Variants in ABCB11 observed in about 807,000 individuals in gnomAD.
ABCB11 encodes ATP binding cassette subfamily B member 11, also known as bile salt export pump.
In ABCB11, 95 loss-of-function variants were observed where a neutral mutation model predicts 148.0. That is an observed-to-expected ratio of 0.64 (90% CI 0.54 to 0.76). ABCB11 has a LOEUF of 0.76. ABCB11 is among the 30% of genes least tolerant of loss of function. The pLI is 0.00. For missense variants in ABCB11, 1,523 were observed against 1,617.8 expected (o/e 0.94, Z 1.01); for synonymous variants, 591 against 555.4 (o/e 1.06, Z -0.90).
rs750203116 is a variant in ABCB11 at position 168,958,144 on chromosome 2, G to C, written c.2179-16C>G. The C allele has an allele frequency of 8.1e-6, 13 of 1,607,900 alleles. No homozygotes were observed. The African/African-American group carries it at 1.6e-4, about 20-fold the overall frequency. Reference sequence around the variant, plus strand: ...TGTCCTTGTCCTTGAGCAGAGAGAGGGTTATATTAATCATCTAAATGTACT... The same window carrying C: ...TGTCCTTGTCCTTGAGCAGAGAGAGCGTTATATTAATCATCTAAATGTACT... On this transcript the variant is annotated splice_polypyrimidine_tract_variant and intron_variant, in intron 18 of 27. Coordinates refer to ENST00000650372, the MANE Select transcript of ABCB11 (RefSeq NM_003742.4).
Position 168,969,555 on chromosome 2 carries a change from T to C in ABCB11, c.1810-4A>G, listed in dbSNP as rs1049117134. ...TGATTGTGTGCCCATGCTGAATCTG[T>C]AAGAATGTACAGTGCACCATTAAAC... On this transcript the variant is annotated splice_polypyrimidine_tract_variant and splice_region_variant and intron_variant, in intron 15 of 27. Coordinates refer to ENST00000650372, the MANE Select transcript of ABCB11 (RefSeq NM_003742.4). 1.2e-6 allele frequency: 2 copies of C among 1,611,336 alleles called. No individual in the cohort carries two copies. Among genetic ancestry groups the C allele is most frequent in the African/African-American group, 1.3e-5 (1 of 74,806 alleles).
At chr2:168,995,798 A>G (rs1238026860) in intron 6 of ABCB11, among the ~76,000 whole-genome samples, 2 of 151,896 alleles carry the variant, frequency 1.3e-5, no homozygotes, top group African/African-American at 4.8e-5. Context: ...AGCACCAAAA[A>G]TAAGGCATTA....
At chr2:168,991,897 G>T (rs1694536268) in intron 8 of ABCB11, among the ~76,000 whole-genome samples, 1 of 149,972 alleles carries the variant, frequency 6.7e-6, no homozygotes, top group Non-Finnish European at 1.5e-5. Flanking sequence ...GAATGCAGTG[G>T]CATGATCCTA....
intron 26 of ABCB11, among the ~76,000 whole-genome samples, chr2:168,925,031 T>A (rs1350460757): frequency 6.6e-6 from 1 of 152,184 alleles, no homozygotes; most frequent in Non-Finnish European, 1.5e-5. Context: ...TTATTCCTCA[T>A]TTCTGCATTT....
intron 12 of ABCB11, among the ~76,000 whole-genome samples, chr2:168,975,235 A>G (rs1358885586): frequency 1.0e-4 from 10 of 95,428 alleles, no homozygotes; most frequent in African/African-American, 1.9e-4. Flanking sequence ...ATAAATATAT[A>G]AATATTTAAA....
At chr2:168,938,731 G>A (rs937516267) in intron 21 of ABCB11, among the ~76,000 whole-genome samples, 2 of 152,010 alleles carry the variant, frequency 1.3e-5, no homozygotes, top group African/African-American at 4.8e-5. Flanking sequence ...TTTTTGGTTG[G>A]CAAGGACTGT....
At chr2:169,007,947 A>G (rs1165157580) in intron 5 of ABCB11, among the ~76,000 whole-genome samples, 1 of 152,208 alleles carries the variant, frequency 6.6e-6, no homozygotes, top group Non-Finnish European at 1.5e-5. Flanking sequence ...GTAGACATAT[A>G]TCCCAGTTTT....
At chr2:168,995,975 T>TAAAAAAAAA (rs3083997) in intron 6 of ABCB11, among the ~76,000 whole-genome samples, 1 of 63,032 alleles carries the variant, frequency 1.6e-5, no homozygotes, top group African/African-American at 6.4e-5. Context: ...TTTCCCTAAC[T>TAAAAAAAAA]AAAAAAAAAA....
rs1000266117 is a variant in ABCB11, at chr2:168,988,060, T to C, written c.909-1776A>G. Among the ~76,000 whole-genome samples, 5 of 152,278 alleles carry C rather than the reference T, an allele frequency of 3.3e-5. No individual in the cohort carries two copies. In the South Asian group the frequency reaches 6.2e-4, roughly 19 times the overall value. On this transcript the variant is annotated intron_variant, in intron 9 of 27. Coordinates refer to ENST00000650372, the MANE Select transcript of ABCB11 (RefSeq NM_003742.4). ...AATTTTCAAGTATGCAATGTGATGT[T>C]ATTAACCATAGTCACCATGTTAACA...
chr2:168,995,975 T>TAAAAAA lies in ABCB11; in HGVS notation c.478-499_478-494dup, dbSNP rs3083997. On this transcript the variant is annotated intron_variant, in intron 6 of 27. Coordinates refer to ENST00000650372, the MANE Select transcript of ABCB11 (RefSeq NM_003742.4). Reference sequence around the variant, plus strand: ...AATCTGCTGATAGATTTTCCCTAACTAAAAAAAAAAAAAAAAAAAAAAAAG... The same window carrying TAAAAAA: ...AATCTGCTGATAGATTTTCCCTAACTAAAAAAAAAAAAAAAAAAAAAAAAAAAAAAG... 3.0e-3 allele frequency among the ~76,000 whole-genome samples: 186 copies of TAAAAAA among 62,588 alleles called. 1 individual carries two copies. Among genetic ancestry groups the TAAAAAA allele is most frequent in the South Asian group, 4.1e-3 (5 of 1,214 alleles). The allele number at this position is 62,588 out of a possible 152,430, so 41.1% of individuals were successfully genotyped here. A position where few individuals can be genotyped will look rare whatever the true frequency, so the allele number is the denominator to read the frequency against.
At chr2:169,010,481 T>C (rs889745662) in intron 5 of ABCB11, among the ~76,000 whole-genome samples, 1 of 152,180 alleles carries the variant, frequency 6.6e-6, no homozygotes, top group African/African-American at 2.4e-5. Flanking sequence ...AATAAAATAG[T>C]AAAACCAGCT....
At chr2:168,974,421 T>C (rs1693724172) in intron 12 of ABCB11, among the ~76,000 whole-genome samples, 1 of 151,576 alleles carries the variant, frequency 6.6e-6, no homozygotes, top group Non-Finnish European at 1.5e-5. Flanking sequence ...AGCTAATTCA[T>C]AACTATCTGT....
At chr2:168,930,577 T>C (rs2105888170) in intron 25 of ABCB11, 88 bp downstream of exon 25, 1 of 1,144,412 alleles carries the variant, frequency 8.7e-7, no homozygotes, top group East Asian at 2.8e-5. Flanking sequence ...TTAAAGTGAG[T>C]CTGGCAAAGC....
rs1336943297 is a variant in ABCB11 at position 168,971,884 on chromosome 2, T to C, written c.1601A>G (p.Glu534Gly). The change falls in exon 14 of 28, where the codon GAG (glutamate) becomes GGG (glycine). Residue 534 changes from glutamate to glycine, a missense_variant. Coordinates refer to ENST00000650372, the MANE Select transcript of ABCB11 (RefSeq NM_003742.4). Reference sequence around the variant, plus strand: ...CATGATGAAGTTGTAGGCATTGGCCTCCTTGGCAGCTTGGACTATGTCTTC... The same window carrying C: ...CATGATGAAGTTGTAGGCATTGGCCCCCTTGGCAGCTTGGACTATGTCTTC... ...TMEDIVQAAK[E>G]ANAYNFIMDL... The C allele has an allele frequency of 6.2e-7, 1 of 1,613,040 alleles. No individual in the cohort carries two copies. Among genetic ancestry groups the C allele is most frequent in the Non-Finnish European group, 8.5e-7 (1 of 1,179,320 alleles).
At chr2:168,988,134 G>A (rs1694389485) in intron 9 of ABCB11, among the ~76,000 whole-genome samples, 1 of 151,860 alleles carries the variant, frequency 6.6e-6, no homozygotes, top group African/African-American at 2.4e-5. Context: ...AATAAGGAAG[G>A]GTTTCTTTTA....
chr2:169,017,898 G>T, intron 2 of ABCB11, 152 bp downstream of exon 2: 1 of 782,768 alleles, frequency 1.3e-6, no homozygotes, highest in East Asian at 2.4e-5. Flanking sequence ...ATTCTAGGGA[G>T]AGCCACACAG....
chr2:169,018,719 A>T (rs1436211693), intron 1 of ABCB11, among the ~76,000 whole-genome samples: 1 of 152,156 alleles, frequency 6.6e-6, no homozygotes, highest in Non-Finnish European at 1.5e-5. Flanking sequence ...ACAGTGGAAA[A>T]ATTAGTTTAT....
At chr2:168,954,478 C>A (rs1692701548) in intron 19 of ABCB11, among the ~76,000 whole-genome samples, 1 of 151,326 alleles carries the variant, frequency 6.6e-6, no homozygotes, top group Non-Finnish European at 1.5e-5. Context: ...ACTTATGAAG[C>A]TTATTCTGGC....
intron 12 of ABCB11, among the ~76,000 whole-genome samples, chr2:168,974,476 A>G (rs1343233418): frequency 6.6e-6 from 1 of 152,016 alleles, no homozygotes; most frequent in East Asian, 1.9e-4. Context: ...CTGATTATGG[A>G]AAATGTGGTT....
Sources: allele counts gnomAD v4.1 joint callset (sites outside exome capture counted in the v4.1 genomes callset), GRCh38; gene constraint gnomAD v4.1.1; transcripts MANE v1.5; gene names NCBI Gene and HGNC (gene_info 2026-07-23, HGNC 2026-07-21).